The following PTPRB variants were observed in gnomAD, a reference collection of about 807,000 sequenced individuals.
The protein encoded by PTPRB is receptor-type tyrosine-protein phosphatase beta.
Under a neutral mutation model 238.1 loss-of-function variants are expected in PTPRB, and 97 were observed. The ratio of observed to expected loss-of-function variants is 0.41; its 90% CI spans 0.35 to 0.48. PTPRB has a LOEUF of 0.48. Ranked by LOEUF, PTPRB falls within the 20% of genes least tolerant of loss-of-function variation. The pLI is 0.30. For missense variants in PTPRB, 2,292 were observed against 2,681.9 expected (o/e 0.85, Z 3.21); for synonymous variants, 970 against 995.4 (o/e 0.97, Z 0.48).
At chr12:70,525,250 A>G (rs1257956176) in intron 32 of PTPRB, 2 of 152,202 alleles carry the variant, frequency 1.3e-5, no homozygotes, top group African/African-American at 4.8e-5. Flanking sequence ...CTCAAAGTTC[A>G]TGTCTTTTTC....
rs1489612990 is a variant in PTPRB at position 70,520,770 on chromosome 12, A to T, written c.*719T>A. 6.6e-6 allele frequency: 1 copy of T among 152,620 alleles called. No individual in the cohort carries two copies. The highest frequency in any genetic ancestry group is 1.9e-4 in the East Asian group (1 of 5,210). The allele number at this position is 152,620 out of a possible 1,614,324, so 9.5% of individuals were successfully genotyped here. On this transcript the variant is annotated 3_prime_UTR_variant, in exon 34 of 34. Transcript: ENST00000334414. ...AAAGGAATTCATCACTTCTGTTTGG[A>T]ATCATTCTCTATCAGAACCCTCAAC...
chr12:70,633,591 T>A (rs1885551131), intron 2 of PTPRB, among the ~76,000 whole-genome samples: 1 of 152,206 alleles, frequency 6.6e-6, no homozygotes. Flanking sequence ...TATAAGGGTG[T>A]TTTTGTACCA....
intron 27 of PTPRB, chr12:70,538,459 C>G (rs1008535972): frequency 1.9e-6 from 1 of 515,644 alleles, no homozygotes; most frequent in South Asian, 3.1e-5. Context: ...CTGTGCTTCC[C>G]TTTCTGACAT....
intron 4 of PTPRB, among the ~76,000 whole-genome samples, chr12:70,604,180 G>A (rs1026120058): frequency 6.6e-6 from 1 of 152,096 alleles, no homozygotes; most frequent in African/African-American, 2.4e-5. Flanking sequence ...GGTCAAGGCT[G>A]CAGTGAGCTG....
intron 10 of PTPRB, among the ~76,000 whole-genome samples, chr12:70,580,493 C>T (rs1013444886): frequency 1.3e-5 from 2 of 152,160 alleles, no homozygotes; most frequent in South Asian, 2.1e-4. Context: ...GTCTAGACAT[C>T]GAGTGAGGAG....
At chr12:70,553,470 C>T (rs966295017) in intron 20 of PTPRB, among the ~76,000 whole-genome samples, 2 of 152,140 alleles carry the variant, frequency 1.3e-5, no homozygotes, top group Non-Finnish European at 2.9e-5. Flanking sequence ...GCAGTCATCC[C>T]ACAAGGCGTG....
chr12:70,534,459 A>AT, intron 31 of PTPRB, 29 bp downstream of exon 31: 1 of 1,606,250 alleles, frequency 6.2e-7, no homozygotes, highest in Non-Finnish European at 8.5e-7. Flanking sequence ...TATGGCTGCC[A>AT]TTTTATTGGC....
intron 18 of PTPRB, among the ~76,000 whole-genome samples, chr12:70,558,332 C>T (rs756864479): frequency 2.0e-4 from 31 of 152,070 alleles, no homozygotes; most frequent in Non-Finnish European, 4.0e-4. Flanking sequence ...TCTTTGGATA[C>T]AATGTGGCAT....
chr12:70,546,290 T>C (rs1308609102), intron 21 of PTPRB, among the ~76,000 whole-genome samples: 1 of 152,198 alleles, frequency 6.6e-6, no homozygotes, highest in African/African-American at 2.4e-5. Context: ...CTGAGGTGGC[T>C]GTCCACATGT....
At chr12:70,534,420 T>C in intron 31 of PTPRB, 68 bp downstream of exon 31, 9 of 1,529,528 alleles carry the variant, frequency 5.9e-6, no homozygotes, top group Non-Finnish European at 8.0e-6. Context: ...TGCTTATGTA[T>C]TTTTCCAGAC....
In PTPRB at chr12:70,562,945, C is replaced by G; in HGVS notation, c.4067G>C (p.Ser1356Thr). ...ERAQVDPLVQ[S>T]FSFQNLLQGR... ...TTGTAGCAAGTTCTGGAAAGAGAAG[C>G]TCTGGACTAGTGGGTCAACTTGAGC... Residue 1356 changes from serine (S) to threonine (T), a missense_variant, in exon 16 of 34, where the codon AGC (serine) becomes ACC (threonine). This residue lies in a region of PTPRB where 683 missense variants were observed against 862.0 expected (regional missense o/e 0.79). Transcript: ENST00000334414. 5 of 1,614,012 alleles carry G rather than the reference C, an allele frequency of 3.1e-6. No individual in the cohort carries two copies. The highest frequency in any genetic ancestry group is 4.2e-6 in the Non-Finnish European group (5 of 1,179,904).
In PTPRB at chr12:70,625,472, T is replaced by C. The variant is rs187765661; in HGVS notation, c.452-2826A>G. Among the ~76,000 whole-genome samples the C allele has an allele frequency of 2.9e-3, 448 of 152,232 alleles. 2 individuals are homozygous for C. Among genetic ancestry groups the C allele is most frequent in the African/African-American group, 0.01 (427 of 41,556 alleles). On this transcript the variant is annotated intron_variant, in intron 2 of 33. Transcript: ENST00000334414. ...ATGAACCAAAAAGAAATTTGAATCA[T>C]TTCTTATGTGGTTACTGAAGGATTA...
At chr12:70,570,041 G>C in intron 13 of PTPRB, 103 bp from the exon 14 acceptor site, 3 of 1,051,520 alleles carry the variant, frequency 2.9e-6, no homozygotes, top group Non-Finnish European at 1.4e-6. Context: ...CCCACTGAGA[G>C]AACTCACATG....
chr12:70,595,778 A>G (rs569449798), intron 5 of PTPRB, among the ~76,000 whole-genome samples: 1 of 152,342 alleles, frequency 6.6e-6, no homozygotes, highest in South Asian at 2.1e-4. Context: ...AAGGGCCATT[A>G]GGGAGTATCC....
chr12:70,622,832 C>G (rs979996792), intron 2 of PTPRB, among the ~76,000 whole-genome samples, 186 bp from the exon 3 acceptor site: 2 of 151,994 alleles, frequency 1.3e-5, no homozygotes, highest in African/African-American at 4.8e-5. Flanking sequence ...CCAATTCACC[C>G]ATCCTTTATC....
At chr12:70,602,775 G>A (rs1429946901) in intron 4 of PTPRB, among the ~76,000 whole-genome samples, 1 of 152,010 alleles carries the variant, frequency 6.6e-6, no homozygotes, top group African/African-American at 2.4e-5. Flanking sequence ...ACCCTTTTAG[G>A]TACTGAGTTT....
In PTPRB at chr12:70,587,192, A is replaced by G. The variant is rs376921695; in HGVS notation, c.2126T>C (p.Val709Ala). ...TSLSIMWQTP[V>A]AEWEKYIISL... is the part of the protein sequence containing the mutation. The stretch of plus-strand genomic sequence containing the variant: ...AATGATGTATTTCTCCCATTCTGCT[A>G]CAGGGGTCTGCCACATGATACTCAG... The change falls in exon 9 of 34, where the codon GTA becomes GCA. Residue 709 changes from valine to alanine, a missense_variant. Val to Ala is a moderately conservative substitution (Grantham distance 64). This residue lies in a region of PTPRB where 1,205 missense variants were observed against 1,287.8 expected (regional missense o/e 0.94). Coordinates refer to ENST00000334414, the MANE Select transcript of PTPRB (RefSeq NM_001109754.4). 5 of 1,613,612 alleles carry G rather than the reference A, an allele frequency of 3.1e-6. No individual in the cohort carries two copies. The highest frequency in any genetic ancestry group is 1.3e-5 in the African/African-American group (1 of 74,902).
chr12:70,625,367 C>G (rs1885125431), intron 2 of PTPRB, among the ~76,000 whole-genome samples: 1 of 152,078 alleles, frequency 6.6e-6, no homozygotes, highest in South Asian at 2.1e-4. Flanking sequence ...GGTGTGGGAC[C>G]TGAAACCTGC....
intron 11 of PTPRB, among the ~76,000 whole-genome samples, chr12:70,574,814 G>T (rs147194361): frequency 6.6e-4 from 100 of 152,258 alleles, no homozygotes; most frequent in East Asian, 4.4e-3. Context: ...AGTTCATGCC[G>T]GTCAAGGAGT....
Sources: gnomAD v4.1 joint callset for allele counts (sites outside exome capture counted in the v4.1 genomes callset) on GRCh38, gnomAD v4.1.1 for gene constraint, gnomAD v4.1.1 regional missense constraint, MANE v1.5 for transcripts, NCBI Gene and HGNC (gene_info 2026-07-23, HGNC 2026-07-21) for gene names.